Variants in CSMD1 observed in about 807,000 individuals in gnomAD.
The protein encoded by CSMD1 is CUB and Sushi multiple domains 1.
CSMD1 carries 213 observed loss-of-function variants against 417.5 expected under a neutral mutation model. The observed-to-expected ratio is 0.51, with a 90% CI of 0.46 to 0.57. The LOEUF (loss-of-function observed/expected upper bound fraction) is 0.57. CSMD1 is among the 20% of genes least tolerant of loss of function. The pLI is 0.00. For synonymous variants in CSMD1, 2,862 were observed against 1,736.8 expected (o/e 1.65, Z -16.11); for missense variants, 6,923 against 4,529.7 (o/e 1.53, Z -15.17).
chr8:3,104,827 C>G (rs1379531215), intron 46 of CSMD1, among the ~76,000 whole-genome samples: 5 of 151,906 alleles, frequency 3.3e-5, no homozygotes. Flanking sequence ...CCTGACTCAG[C>G]CACCTGAGTA....
intron 1 of CSMD1, among the ~76,000 whole-genome samples, chr8:4,926,079 A>G (rs1806849830): frequency 6.6e-6 from 1 of 152,230 alleles, no homozygotes. Flanking sequence ...AAGTGGACTT[A>G]TTCTTTTGAA....
intron 10 of CSMD1, among the ~76,000 whole-genome samples, chr8:3,511,840 A>G (rs1351155280): frequency 1.3e-5 from 2 of 151,590 alleles, no homozygotes; most frequent in South Asian, 2.1e-4. Flanking sequence ...AAAATAAAAT[A>G]AAAATATAAT....
intron 1 of CSMD1, among the ~76,000 whole-genome samples, chr8:4,817,380 G>C (rs895336501): frequency 2.0e-5 from 3 of 152,150 alleles, no homozygotes; most frequent in Non-Finnish European, 4.4e-5. Flanking sequence ...AAAAAAATGA[G>C]GCCTGCTTGG....
chr8:3,156,040 T>A (rs1479668936), intron 39 of CSMD1, among the ~76,000 whole-genome samples: 1 of 152,238 alleles, frequency 6.6e-6, no homozygotes, highest in African/African-American at 2.4e-5. Flanking sequence ...CAGACAGTAA[T>A]TACCTCGCTT....
intron 8 of CSMD1, among the ~76,000 whole-genome samples, chr8:3,604,430 T>C (rs1801506861): frequency 6.6e-6 from 1 of 152,032 alleles, no homozygotes; most frequent in African/African-American, 2.4e-5. Context: ...TCTCTTAGCA[T>C]TGCTGAGAGG....
chr8:3,370,609 C>T (rs148002243), intron 18 of CSMD1, among the ~76,000 whole-genome samples: 2 of 152,192 alleles, frequency 1.3e-5, no homozygotes, highest in Admixed American at 6.5e-5. Context: ...AGTCAGTGGA[C>T]TGAGTGAAGA....
intron 23 of CSMD1, among the ~76,000 whole-genome samples, chr8:3,332,500 A>G (rs1379593266): frequency 1.3e-5 from 2 of 152,232 alleles, no homozygotes; most frequent in African/African-American, 2.4e-5. Flanking sequence ...TAATAAAACT[A>G]TGCCTGTGAC....
At chr8:4,554,941 G>A (rs1798024024) in intron 2 of CSMD1, among the ~76,000 whole-genome samples, 1 of 152,138 alleles carries the variant, frequency 6.6e-6, no homozygotes, top group South Asian at 2.1e-4. Flanking sequence ...AATTCCTGTG[G>A]GATGGAGTAA....
chr8:4,806,788 C>A (rs1798614162), intron 1 of CSMD1, among the ~76,000 whole-genome samples: 1 of 152,154 alleles, frequency 6.6e-6, no homozygotes, highest in African/African-American at 2.4e-5. Context: ...AGTCCTGTGA[C>A]AACCTTAAAT....
intron 1 of CSMD1, among the ~76,000 whole-genome samples, chr8:4,927,500 GCGA>G (rs1806949307): frequency 6.6e-6 from 1 of 152,160 alleles, no homozygotes; most frequent in Non-Finnish European, 1.5e-5. Context: ...GCTTAGCTCT[GCGA>G]TGCCAGTCCT....
intron 1 of CSMD1, among the ~76,000 whole-genome samples, chr8:4,708,354 A>G (rs958270972): frequency 6.6e-6 from 1 of 152,198 alleles, no homozygotes; most frequent in Non-Finnish European, 1.5e-5. Context: ...GAACATTTAG[A>G]CAACATCTGT....
intron 3 of CSMD1, among the ~76,000 whole-genome samples, chr8:4,412,440 C>G (rs557627521): frequency 4.6e-5 from 7 of 152,116 alleles, no homozygotes; most frequent in Non-Finnish European, 1.0e-4. Flanking sequence ...GGAAGCTTCC[C>G]GAGGCCTCAA....
intron 3 of CSMD1, among the ~76,000 whole-genome samples, chr8:4,284,827 C>A (rs1249553305): frequency 6.6e-6 from 1 of 151,850 alleles, no homozygotes; most frequent in East Asian, 1.9e-4. Context: ...TGGCCGTGTT[C>A]AAAAACAAAA....
chr8:3,465,336 G>C (rs536916663), intron 12 of CSMD1, among the ~76,000 whole-genome samples: 3 of 152,290 alleles, frequency 2.0e-5, no homozygotes, highest in Non-Finnish European at 4.4e-5. Flanking sequence ...ATGGAGGAGA[G>C]AGGATTGTCT....
chr8:4,663,284 C>T (rs555014453), intron 1 of CSMD1, among the ~76,000 whole-genome samples: 2 of 152,218 alleles, frequency 1.3e-5, no homozygotes, highest in East Asian at 3.9e-4. Flanking sequence ...AAGTTAGGGA[C>T]CAGAGCAAAC....
At chr8:4,595,085 A>C (rs1800184135) in intron 2 of CSMD1, among the ~76,000 whole-genome samples, 1 of 152,124 alleles carries the variant, frequency 6.6e-6, no homozygotes, top group Non-Finnish European at 1.5e-5. Context: ...TTTTTTTATA[A>C]CTTTAATAGG....
In CSMD1 at chr8:3,616,737, T is replaced by C. The variant is rs1224300295; in HGVS notation, c.1070A>G (p.Asn357Ser). ...GAAGTCGGAACCTGCTCTTCTACCATTTTCTGGAATCCCAGGATCTGGACA... is the reference window on the plus strand; with the variant it reads ...GAAGTCGGAACCTGCTCTTCTACCACTTTCTGGAATCCCAGGATCTGGACA... ...DMCPDPGIPE[N>S]GRRAGSDFRV... Residue 357 changes from asparagine to serine, a missense_variant, in exon 8 of 70, where the codon AAT becomes AGT. Asn to Ser is a conservative substitution (Grantham distance 46). Coordinates refer to ENST00000635120, the MANE Select transcript of CSMD1 (RefSeq NM_033225.6). 1.2e-6 allele frequency: 2 copies of C among 1,612,350 alleles called. No homozygotes were observed. The highest frequency in any genetic ancestry group is 8.5e-7 in the Non-Finnish European group (1 of 1,178,948).
intron 1 of CSMD1, among the ~76,000 whole-genome samples, chr8:4,843,453 A>G (rs1800952603): frequency 6.6e-6 from 1 of 152,050 alleles, no homozygotes; most frequent in Non-Finnish European, 1.5e-5. Context: ...AACAACAACA[A>G]CAAAACCGAG....
chr8:4,256,376 G>A (rs1008081980), intron 3 of CSMD1, among the ~76,000 whole-genome samples: 1 of 152,106 alleles, frequency 6.6e-6, no homozygotes, highest in Non-Finnish European at 1.5e-5. Flanking sequence ...ACATTGCTCT[G>A]ATTACTACAC....
Sources: allele counts gnomAD v4.1 joint callset (sites outside exome capture counted in the v4.1 genomes callset), GRCh38; gene constraint gnomAD v4.1.1; transcripts MANE v1.5; gene names NCBI Gene and HGNC (gene_info 2026-07-23, HGNC 2026-07-21).